The following FRAS1 variants were observed in gnomAD, a reference collection of about 807,000 sequenced individuals.
FRAS1 encodes the protein Fraser extracellular matrix complex subunit 1.
In FRAS1, 290 loss-of-function variants were observed where a neutral mutation model predicts 435.2. The observed-to-expected ratio is 0.67, with a 90% confidence interval of 0.61 to 0.73. FRAS1 has a LOEUF of 0.73. FRAS1 is among the 30% of genes least tolerant of loss of function. The pLI is 0.00. For missense variants in FRAS1, 4,860 were observed against 5,001.5 expected, an observed-to-expected ratio of 0.97 and a Z score of 0.85; for synonymous variants, 1,800 against 1,851.0, an observed-to-expected ratio of 0.97 and a Z score of 0.71.
chr4:78,308,102 C>A lies in FRAS1; in HGVS notation c.1571C>A (p.Thr524Lys), dbSNP rs772777587. ...TCCTGTGCAGGTTGCTGGGGCCCAACGGAGAAGCACTGCTTGGCCTGCAGA... is the reference window on the plus strand; with the variant it reads ...TCCTGTGCAGGTTGCTGGGGCCCAAAGGAGAAGCACTGCTTGGCCTGCAGA... ...HESCAGCWGP[T>K]EKHCLACRDP... Residue 524 changes from threonine to lysine, a missense_variant, in exon 15 of 74, where the codon ACG (threonine) becomes AAG (lysine). By Grantham distance (78) the Thr-to-Lys change is moderately conservative. Coordinates refer to ENST00000512123, the MANE Select transcript of FRAS1 (RefSeq NM_025074.7). The A allele has an allele frequency of 1.5e-5, 25 of 1,613,572 alleles. No homozygotes were observed. Among genetic ancestry groups the A allele is most frequent in the Non-Finnish European group, 2.1e-5 (25 of 1,179,658 alleles).
At chr4:78,516,698 A>G (rs1210418960) in intron 66 of FRAS1, among the ~76,000 whole-genome samples, 2 of 152,210 alleles carry the variant, frequency 1.3e-5, no homozygotes, top group Non-Finnish European at 2.9e-5. Flanking sequence ...GGAAGCAGAC[A>G]TGTCTTACAT....
chr4:78,058,750 A>G (rs879733570), intron 1 of FRAS1, among the ~76,000 whole-genome samples: 5 of 152,216 alleles, frequency 3.3e-5, no homozygotes, highest in Non-Finnish European at 5.9e-5. Context: ...CGAGGCTCCA[A>G]GCTACCTGTA....
intron 2 of FRAS1, among the ~76,000 whole-genome samples, chr4:78,084,741 G>C (rs1229985857): frequency 6.6e-6 from 1 of 152,030 alleles, no homozygotes. Context: ...ATGAGCTCTG[G>C]TTCCTGGAAG....
chr4:78,451,002 C>CGGGCGCGGTGGCTCACGCCTGTA (rs1719001585), intron 45 of FRAS1, among the ~76,000 whole-genome samples: 1 of 152,074 alleles, frequency 6.6e-6, no homozygotes, highest in African/African-American at 2.4e-5. Flanking sequence ...GTGTCCCGCC[C>CGGGCGCGGTGGCTCACGCCTGTA]ACACACTAAC....
At chr4:78,286,571 C>T in intron 14 of FRAS1, 32 bp downstream of exon 14, 1 of 1,604,016 alleles carries the variant, frequency 6.2e-7, no homozygotes, top group East Asian at 2.2e-5. Context: ...GTTGGGCCAG[C>T]TACCAAGACA....
intron 2 of FRAS1, among the ~76,000 whole-genome samples, chr4:78,103,995 G>A (rs548798880): frequency 6.6e-6 from 1 of 152,314 alleles, no homozygotes; most frequent in African/African-American, 2.4e-5. Context: ...ATTGGGACCA[G>A]TAGAATGCAA....
At chr4:78,335,628 T>C (rs2110262848) in intron 19 of FRAS1, among the ~76,000 whole-genome samples, 1 of 152,300 alleles carries the variant, frequency 6.6e-6, no homozygotes, top group East Asian at 1.9e-4. Context: ...CAAGCTACCT[T>C]GGGTGTTAAT....
At chr4:78,324,271 A>G (rs539173448) in intron 18 of FRAS1, among the ~76,000 whole-genome samples, 9 of 152,376 alleles carry the variant, frequency 5.9e-5, no homozygotes, top group Middle Eastern at 6.8e-3. Context: ...TAAAAAATGA[A>G]TAATTTTTAT....
chr4:78,224,415 C>T (rs183818701), intron 2 of FRAS1, among the ~76,000 whole-genome samples: 21 of 152,128 alleles, frequency 1.4e-4, no homozygotes, highest in African/African-American at 4.6e-4. Context: ...AATATACATA[C>T]GTATGTATGC....
At chr4:78,118,779 T>C (rs936880273) in intron 2 of FRAS1, among the ~76,000 whole-genome samples, 1 of 152,124 alleles carries the variant, frequency 6.6e-6, no homozygotes, top group Non-Finnish European at 1.5e-5. Flanking sequence ...GGTGAGGCAA[T>C]GCCTCACCCT....
At chr4:78,119,010 ATG>A (rs1429561708) in intron 2 of FRAS1, among the ~76,000 whole-genome samples, 3 of 151,246 alleles carry the variant, frequency 2.0e-5, no homozygotes, top group African/African-American at 7.3e-5. Context: ...TTTATAGAAT[ATG>A]TGAGTTGCAA....
At chr4:78,142,810 T>C (rs922990022) in intron 2 of FRAS1, among the ~76,000 whole-genome samples, 4 of 152,268 alleles carry the variant, frequency 2.6e-5, no homozygotes, top group East Asian at 3.9e-4. Flanking sequence ...TTAGATTGGA[T>C]TTATATTAGT....
intron 3 of FRAS1, among the ~76,000 whole-genome samples, chr4:78,242,287 T>C (rs1725034316): frequency 6.6e-6 from 1 of 152,194 alleles, no homozygotes; most frequent in Non-Finnish European, 1.5e-5. Flanking sequence ...GGGCCTTGGC[T>C]CATGTCCCAG....
chr4:78,420,983 A>G lies in FRAS1; in HGVS notation c.4541-880A>G, dbSNP rs191396735. Among the ~76,000 whole-genome samples the G allele has an allele frequency of 5.9e-3, 879 of 148,886 alleles. 7 individuals carry two copies. Among genetic ancestry groups the G allele is most frequent in the African/African-American group, 0.021 (854 of 40,444 alleles). On this transcript the variant is annotated intron_variant, in intron 33 of 73. Coordinates refer to ENST00000512123, the MANE Select transcript of FRAS1 (RefSeq NM_025074.7). ...CAATCACAAGGTCCCACAATAGGCC[A>G]TCTGCAAGCTGAGGAGCAAGGACAG... is the stretch of plus-strand genomic sequence containing the variant.
At chr4:78,474,704 G>A (rs1360260897) in intron 53 of FRAS1, among the ~76,000 whole-genome samples, 1 of 152,160 alleles carries the variant, frequency 6.6e-6, no homozygotes, top group East Asian at 1.9e-4. Flanking sequence ...TTTCCCTGCT[G>A]TCCTCACAGC....
intron 60 of FRAS1, among the ~76,000 whole-genome samples, chr4:78,498,041 G>A (rs2109872553): frequency 6.6e-6 from 1 of 152,326 alleles, no homozygotes; most frequent in African/African-American, 2.4e-5. Context: ...GGTGAACAAT[G>A]AGAACACATG....
At chr4:78,187,686 C>T (rs1014403981) in intron 2 of FRAS1, among the ~76,000 whole-genome samples, 5 of 152,106 alleles carry the variant, frequency 3.3e-5, no homozygotes, top group African/African-American at 1.2e-4. Flanking sequence ...TCACTGCAAC[C>T]TCCGCCTCTC....
chr4:78,122,359 C>T (rs1051589719), intron 2 of FRAS1, among the ~76,000 whole-genome samples: 14 of 152,156 alleles, frequency 9.2e-5, no homozygotes, highest in African/African-American at 3.4e-4. Context: ...GCCACATTTT[C>T]TCAATCTAGT....
rs150724253 is a variant in FRAS1 at position 78,504,057 on chromosome 4, T to C, written c.9317-3364T>C. Reference sequence around the variant, plus strand: ...AGTTTAGTTAATCCCGAGTGTTAATTTGATTACACTGTGGTCTGAGAGACA... The same window carrying C: ...AGTTTAGTTAATCCCGAGTGTTAATCTGATTACACTGTGGTCTGAGAGACA... On this transcript the variant is annotated intron_variant, in intron 61 of 73. Transcript: ENST00000512123. Among the ~76,000 whole-genome samples the C allele has an allele frequency of 2.4e-3, 361 of 152,346 alleles. 1 individual carries two copies. The highest frequency in any genetic ancestry group is 8.1e-3 in the African/African-American group (336 of 41,578).
Sources: allele counts gnomAD v4.1 joint callset (sites outside exome capture counted in the v4.1 genomes callset), GRCh38; gene constraint gnomAD v4.1.1; transcripts MANE v1.5; gene names NCBI Gene and HGNC (gene_info 2026-07-23, HGNC 2026-07-21).